Variants in ZNF536 observed in about 807,000 individuals in gnomAD.
ZNF536 encodes the protein zinc finger protein 536.
In ZNF536, 13 loss-of-function variants were observed where a neutral mutation model predicts 84.5. The ratio of observed to expected loss-of-function variants is 0.15; its 90% CI spans 0.10 to 0.24. The LOEUF (loss-of-function observed/expected upper bound fraction) is 0.24, where lower values mean the gene tolerates loss of function less well. Ranked by LOEUF, ZNF536 falls within the 10% of genes least tolerant of loss-of-function variation. ZNF536 has a pLI of 1.00. For missense variants in ZNF536, 1,536 were observed against 1,747.5 expected, an observed-to-expected ratio of 0.88 and a Z score of 2.16; for synonymous variants, 811 against 742.5, an observed-to-expected ratio of 1.09 and a Z score of -1.50.
intron 2 of ZNF536, among the ~76,000 whole-genome samples, chr19:30,481,806 C>A (rs2144868015): frequency 6.6e-6 from 1 of 152,106 alleles, no homozygotes; most frequent in East Asian, 1.9e-4. Context: ...AATATGTAGT[C>A]TTTTATCCCT....
At chr19:30,447,352 A>C (rs1200521885) in intron 2 of ZNF536, among the ~76,000 whole-genome samples, 19 of 152,208 alleles carry the variant, frequency 1.2e-4, no homozygotes, top group Admixed American at 1.2e-3. Flanking sequence ...TATTAAAATA[A>C]AGTGGGACTC....
At chr19:30,486,083 T>A (rs2054292500) in intron 2 of ZNF536, among the ~76,000 whole-genome samples, 1 of 152,194 alleles carries the variant, frequency 6.6e-6, no homozygotes, top group African/African-American at 2.4e-5. Context: ...TTTCTTTCTT[T>A]TTTTTTCTTT....
intron 1 of ZNF536, among the ~76,000 whole-genome samples, chr19:30,579,268 C>T (rs906400525): frequency 5.9e-5 from 9 of 152,162 alleles, no homozygotes; most frequent in African/African-American, 9.7e-5. Flanking sequence ...TAGCTACTGC[C>T]GTGTTACAAA....
intron 2 of ZNF536, among the ~76,000 whole-genome samples, chr19:30,310,484 G>T (rs2046464835): frequency 6.6e-6 from 1 of 152,222 alleles, no homozygotes; most frequent in Non-Finnish European, 1.5e-5. Flanking sequence ...AGAATTGATT[G>T]ACAGGGGAAA....
downstream of ZNF536, among the ~76,000 whole-genome samples, chr19:30,562,344 A>G (rs1296903718): frequency 6.6e-6 from 1 of 152,196 alleles, no homozygotes; most frequent in East Asian, 1.9e-4. Flanking sequence ...GGGCAAGGCC[A>G]TCTGCCATTC....
intron 1 of ZNF536, among the ~76,000 whole-genome samples, chr19:30,572,696 C>T (rs10403068): frequency 0.31 from 46,495 of 151,770 alleles, 7,160 homozygotes; most frequent in East Asian, 0.42. Context: ...CACTGACAAA[C>T]AAACAAACAA....
chr19:30,299,007 A>AG (rs60668616), intron 2 of ZNF536, among the ~76,000 whole-genome samples: 2 of 152,058 alleles, frequency 1.3e-5, no homozygotes, highest in South Asian at 2.1e-4. Context: ...TCCCTGCCAA[A>AG]GGGGGGGCCT....
intron 1 of ZNF536, among the ~76,000 whole-genome samples, chr19:30,692,210 G>C (rs918336196): frequency 6.6e-6 from 1 of 152,248 alleles, no homozygotes; most frequent in Non-Finnish European, 1.5e-5. Flanking sequence ...AGGTGCCGAC[G>C]CAAGAAACTG....
intron 1 of ZNF536, among the ~76,000 whole-genome samples, chr19:30,402,709 T>C (rs1353056241): frequency 6.6e-6 from 1 of 150,738 alleles, no homozygotes; most frequent in Non-Finnish European, 1.5e-5. Context: ...CTCCAGAGCA[T>C]CTCGAGTCAT....
chr19:30,385,428 G>T (rs2049300007), intron 1 of ZNF536, among the ~76,000 whole-genome samples: 2 of 152,098 alleles, frequency 1.3e-5, no homozygotes, highest in South Asian at 4.1e-4. Context: ...CCTGTGGGCT[G>T]GGTAACGACC....
chr19:30,242,597 AT>A (rs1206916346), intron 1 of ZNF536, among the ~76,000 whole-genome samples: 1 of 152,092 alleles, frequency 6.6e-6, no homozygotes, highest in Non-Finnish European at 1.5e-5. Context: ...CCCCAAGGGG[AT>A]TTGTACTTTA....
intron 1 of ZNF536, among the ~76,000 whole-genome samples, chr19:30,642,213 C>T (rs1434545141): frequency 6.6e-6 from 1 of 152,170 alleles, no homozygotes; most frequent in Non-Finnish European, 1.5e-5. Context: ...TTGCAAATCG[C>T]CCTTTCCTAA....
chr19:30,547,811 A>G (rs1480933687), intron 3 of ZNF536, 132 bp from the exon 4 acceptor site: 3 of 1,051,862 alleles, frequency 2.9e-6, no homozygotes, highest in Non-Finnish European at 4.0e-6. Flanking sequence ...TCTTCTATTA[A>G]AAAACAGTTG....
chr19:30,480,674 C>T (rs1162187209), intron 2 of ZNF536, among the ~76,000 whole-genome samples: 1 of 152,058 alleles, frequency 6.6e-6, no homozygotes, highest in African/African-American at 2.4e-5. Flanking sequence ...ATGTAACAAA[C>T]CTGCACGTTC....
At chr19:30,354,532 C>G (rs961226121) in intron 3 of ZNF536, among the ~76,000 whole-genome samples, 4 of 152,134 alleles carry the variant, frequency 2.6e-5, no homozygotes, top group Admixed American at 2.0e-4. Context: ...TACACCTGAT[C>G]ATGGCATGCA....
intron 2 of ZNF536, among the ~76,000 whole-genome samples, chr19:30,289,976 T>C (rs575875279): frequency 3.3e-5 from 5 of 152,152 alleles, no homozygotes; most frequent in Non-Finnish European, 7.4e-5. Flanking sequence ...CCACCTCCCA[T>C]CTCTAGAACG....
intron 1 of ZNF536, among the ~76,000 whole-genome samples, chr19:30,409,446 G>GC (rs1028728820): frequency 2.0e-5 from 3 of 152,026 alleles, no homozygotes; most frequent in African/African-American, 7.2e-5. Context: ...CGAATCCCTG[G>GC]CCCCCCTGCT....
intron 1 of ZNF536, chr19:30,665,806 G>T (rs1000149732): frequency 2.0e-5 from 3 of 152,632 alleles, no homozygotes; most frequent in African/African-American, 7.2e-5. Context: ...GAGAGATTTG[G>T]GGTTTGGGTA....
At chr19:30,400,334 T>C (rs1311267448) in intron 1 of ZNF536, among the ~76,000 whole-genome samples, 1 of 152,238 alleles carries the variant, frequency 6.6e-6, no homozygotes, top group Non-Finnish European at 1.5e-5. Flanking sequence ...TGTACCATCC[T>C]ACATTTGTAC....
Sources: gnomAD v4.1 joint callset for allele counts (sites outside exome capture counted in the v4.1 genomes callset) on GRCh38, gnomAD v4.1.1 for gene constraint, MANE v1.5 for transcripts, NCBI Gene and HGNC (gene_info 2026-07-23, HGNC 2026-07-21) for gene names.